The following WDR44 variants were observed in gnomAD, a reference collection of about 807,000 sequenced individuals.
WDR44 encodes the protein WD repeat domain 44, also known as WD repeat-containing protein 44.
In WDR44, 9 loss-of-function variants were observed where a neutral mutation model predicts 65.7. The observed-to-expected ratio is 0.14, with a 90% confidence interval of 0.08 to 0.24. WDR44 has a LOEUF of 0.24. Among genes scored for constraint, WDR44 ranks in the 10% least tolerant of loss-of-function variants. WDR44 has a pLI of 1.00. For synonymous variants in WDR44, 220 were observed against 235.2 expected, an observed-to-expected ratio of 0.94 and a Z score of 0.59; for missense variants, 425 against 670.9, an observed-to-expected ratio of 0.63 and a Z score of 4.05.
In WDR44 at chrX:118,424,027, T is replaced by A. The variant is rs143781166; in HGVS notation, c.1738-8754T>A. On this transcript the variant is annotated intron_variant, in intron 12 of 19. Coordinates refer to ENST00000254029, the MANE Select transcript of WDR44 (RefSeq NM_019045.5). ...AATGGACATTTAGGTTGTTTCCATG[T>A]CTAGGCTATTGTGAATAATGCTGCA... Among the ~76,000 whole-genome samples the A allele has an allele frequency of 2.0e-3, 217 of 110,586 alleles. 2 individuals carry two copies. Among genetic ancestry groups the A allele is most frequent in the East Asian group, 0.019 (68 of 3,531 alleles).
At chrX:118,351,158 G>C (rs1476974650) in intron 1 of WDR44, among the ~76,000 whole-genome samples, 1 of 112,376 alleles carries the variant, frequency 8.9e-6, no homozygotes, top group Admixed American at 9.4e-5. Context: ...CCAAGTGAAA[G>C]TGAAAAACAA....
intron 12 of WDR44, among the ~76,000 whole-genome samples, chrX:118,428,652 C>CA (rs2057180232): frequency 8.9e-6 from 1 of 111,741 alleles, no homozygotes; most frequent in Admixed American, 9.5e-5. Flanking sequence ...GGCAATTCCT[C>CA]AAAGACCTAG....
At chrX:118,357,048 G>A (rs975045315) in intron 1 of WDR44, among the ~76,000 whole-genome samples, 2 of 109,231 alleles carry the variant, frequency 1.8e-5, no homozygotes, top group East Asian at 5.7e-4. Flanking sequence ...GGCCGGGATG[G>A]TCTCAATCTC....
chrX:118,382,474 A>G (rs2056727794), intron 2 of WDR44, among the ~76,000 whole-genome samples: 2 of 112,330 alleles, frequency 1.8e-5, no homozygotes, highest in Non-Finnish European at 3.8e-5. Flanking sequence ...AGTGGAAGTC[A>G]CATTTATAAG....
intron 2 of WDR44, 139 bp downstream of exon 2, chrX:118,378,591 G>T: frequency 2.2e-6 from 1 of 460,121 alleles, no homozygotes; most frequent in East Asian, 3.7e-5. Context: ...TGTCCTACTT[G>T]GTATACATAG....
intron 19 of WDR44, among the ~76,000 whole-genome samples, chrX:118,447,365 A>C (rs1193751986): frequency 1.8e-5 from 2 of 111,223 alleles, no homozygotes; most frequent in East Asian, 5.6e-4. Flanking sequence ...CTTTTTTAAG[A>C]GGCACAAATT....
intron 14 of WDR44, among the ~76,000 whole-genome samples, chrX:118,437,784 TC>T (rs2057265891): frequency 9.0e-6 from 1 of 111,552 alleles, no homozygotes; most frequent in African/African-American, 3.3e-5. Context: ...ACACCTGTAA[TC>T]CCAGCACTTT....
rs549641366 is a variant in WDR44, at chrX:118,447,076, T to C, written c.2648-1817T>C. The stretch of plus-strand genomic sequence containing the variant: ...TTTTGCTAGCAATGAGTTCTCGTTA[T>C]GTTGCCCAGGCTGGTCTCGAACTTC... On this transcript the variant is annotated intron_variant, in intron 19 of 19. Coordinates refer to ENST00000254029, the MANE Select transcript of WDR44 (RefSeq NM_019045.5). 1.3e-3 allele frequency: 402 copies of C among 320,850 alleles called. 4 individuals carry two copies. Among genetic ancestry groups the C allele is most frequent in the South Asian group, 0.01 (390 of 37,202 alleles). The allele number at this position is 320,850 out of a possible 1,213,427, so 26.4% of individuals were successfully genotyped here. A position where few individuals can be genotyped will look rare whatever the true frequency, so the allele number is the denominator to read the frequency against.
At position 118,357,460 on chromosome X, in the gene WDR44, C is replaced by T. The variant is rs747055490; in HGVS notation, c.77+10880C>T. ...AGCAGTGAACTCAAAAGAAGGAAAACAAGAAATCTTGAAGTCTGAGTAGTT... is the reference window on the plus strand; with the variant it reads ...AGCAGTGAACTCAAAAGAAGGAAAATAAGAAATCTTGAAGTCTGAGTAGTT... On this transcript the variant is annotated intron_variant, in intron 1 of 19. Transcript: ENST00000254029. Among the ~76,000 whole-genome samples the T allele has an allele frequency of 5.4e-5, 6 of 111,953 alleles. No individual in the cohort carries two copies. The East Asian group carries it at 1.7e-3, about 31-fold the overall frequency.
chrX:118,361,688 G>A (rs182655057), intron 1 of WDR44, among the ~76,000 whole-genome samples: 2 of 111,660 alleles, frequency 1.8e-5, no homozygotes, highest in Admixed American at 9.5e-5. Flanking sequence ...CCTGAGAGGC[G>A]AAGGTTGCAA....
chrX:118,409,681 G>GT, intron 11 of WDR44, 54 bp downstream of exon 11: 2 of 1,064,961 alleles, frequency 1.9e-6, no homozygotes, highest in Non-Finnish European at 2.5e-6. Flanking sequence ...TACATTTTAG[G>GT]TATACTGATG....
chrX:118,374,187 T>A (rs1203963286), intron 1 of WDR44, among the ~76,000 whole-genome samples: 2 of 109,384 alleles, frequency 1.8e-5, no homozygotes, highest in African/African-American at 6.7e-5. Context: ...GAATATGCGG[T>A]GCTTTATTAT....
intron 2 of WDR44, among the ~76,000 whole-genome samples, chrX:118,386,914 G>A (rs2056773018): frequency 9.0e-6 from 1 of 110,905 alleles, no homozygotes; most frequent in Admixed American, 9.7e-5. Flanking sequence ...GGGCACAGTG[G>A]CTCACACCTA....
chrX:118,397,977 C>T (rs1322065195), intron 7 of WDR44, among the ~76,000 whole-genome samples: 1 of 111,964 alleles, frequency 8.9e-6, no homozygotes, highest in East Asian at 2.8e-4. Context: ...TGGCTCACAC[C>T]CGTAATTCTA....
intron 10 of WDR44, among the ~76,000 whole-genome samples, chrX:118,407,387 G>A (rs1433308353): frequency 9.1e-6 from 1 of 110,215 alleles, no homozygotes; most frequent in African/African-American, 3.3e-5. Flanking sequence ...TGTAATCCCA[G>A]CTACTTGGGA....
chrX:118,442,627 C>T lies in WDR44; in HGVS notation c.2331C>T (p.Ser777=), dbSNP rs1291986700. The part of the protein sequence containing the change: ...RLYDLRDLSL[S]MKYKGYVNSS... Reference sequence around the variant, plus strand: ...ATGATTTGAGAGATTTGTCACTATCCATGAAGTATAAGGGTTACGTCAATA... The same window carrying T: ...ATGATTTGAGAGATTTGTCACTATCTATGAAGTATAAGGGTTACGTCAATA... Residue 777 remains serine (S), a synonymous_variant, in exon 17 of 20, where the codon TCC becomes TCT. Transcript: ENST00000254029. 2.5e-6 allele frequency: 3 copies of T among 1,209,527 alleles called. No individual in the cohort carries two copies. Among genetic ancestry groups the T allele is most frequent in the Admixed American group, 4.4e-5 (2 of 45,595 alleles).
At chrX:118,349,560 A>ATT (rs34195317) in intron 1 of WDR44, among the ~76,000 whole-genome samples, 33 of 93,269 alleles carry the variant, frequency 3.5e-4, no homozygotes, top group African/African-American at 6.4e-4. Context: ...TATGAGGAAC[A>ATT]TTTTTTTTTT....
At chrX:118,382,828 AG>A (rs1377832746) in intron 2 of WDR44, among the ~76,000 whole-genome samples, 1 of 112,164 alleles carries the variant, frequency 8.9e-6, no homozygotes, top group Non-Finnish European at 1.9e-5. Context: ...CATGATAGAT[AG>A]GAGTTAGAGA....
At chrX:118,357,363 G>A (rs1013793481) in intron 1 of WDR44, among the ~76,000 whole-genome samples, 32 of 111,840 alleles carry the variant, frequency 2.9e-4, no homozygotes, top group African/African-American at 9.4e-4. Flanking sequence ...GATAATAACA[G>A]TAGGTTTTCT....
Sources: allele counts gnomAD v4.1 joint callset (sites outside exome capture counted in the v4.1 genomes callset), GRCh38; gene constraint gnomAD v4.1.1; transcripts MANE v1.5; gene names NCBI Gene and HGNC (gene_info 2026-07-23, HGNC 2026-07-21).